The following TBC1D31 variants were observed in gnomAD, a reference collection of about 807,000 sequenced individuals.
TBC1D31 encodes the protein TBC1 domain family member 31.
Under a neutral mutation model 132.9 loss-of-function variants are expected in TBC1D31, and 99 were observed. That is an observed-to-expected ratio of 0.74 (90% CI 0.63 to 0.88). TBC1D31 has a LOEUF of 0.88. Among genes scored for constraint, TBC1D31 ranks in the 40% least tolerant of loss-of-function variants. TBC1D31 has a pLI of 0.00. For synonymous variants in TBC1D31, 385 were observed against 419.4 expected, an observed-to-expected ratio of 0.92 and a Z score of 1.00; for missense variants, 1,134 against 1,256.6, an observed-to-expected ratio of 0.90 and a Z score of 1.48.
intron 1 of TBC1D31, chr8:123,073,176 A>G (rs767005106): frequency 2.1e-6 from 1 of 480,772 alleles, no homozygotes; most frequent in Non-Finnish European, 4.0e-6. Context: ...GGCACGTAGT[A>G]GGTGCTCAGT....
At chr8:123,083,787 GTCTT>G (rs1272366183) in intron 3 of TBC1D31, 1 of 163,552 alleles carries the variant, frequency 6.1e-6, no homozygotes, top group Non-Finnish European at 1.3e-5. Context: ...ATATAAATTA[GTCTT>G]TCTTGTTCAA....
At chr8:123,116,310 TA>T (rs1248158694) in intron 10 of TBC1D31, among the ~76,000 whole-genome samples, 2 of 152,206 alleles carry the variant, frequency 1.3e-5, no homozygotes, top group South Asian at 2.1e-4. Flanking sequence ...AATTCCTTTT[TA>T]AAAAAACAAA....
At chr8:123,076,338 A>ATGTGTGTG (rs71310650) in intron 1 of TBC1D31, among the ~76,000 whole-genome samples, 16 of 149,450 alleles carry the variant, frequency 1.1e-4, no homozygotes, top group African/African-American at 3.9e-4. Context: ...AATTGTGTGT[A>ATGTGTGTG]TGTGTGTGTG....
At chr8:123,109,450 G>A (rs1818251324) in intron 9 of TBC1D31, 24 bp from the exon 10 acceptor site, 8 of 1,609,800 alleles carry the variant, frequency 5.0e-6, no homozygotes, top group Non-Finnish European at 6.8e-6. Flanking sequence ...AAATTGGGGG[G>A]ATTAAAATAT....
At chr8:123,134,698 T>C (rs1413903799) in intron 17 of TBC1D31, among the ~76,000 whole-genome samples, 1 of 152,216 alleles carries the variant, frequency 6.6e-6, no homozygotes, top group Non-Finnish European at 1.5e-5. Context: ...TGTAATTATT[T>C]AATTCATGTT....
At chr8:123,112,133 T>G (rs1278577688) in intron 10 of TBC1D31, among the ~76,000 whole-genome samples, 3 of 152,164 alleles carry the variant, frequency 2.0e-5, no homozygotes. Context: ...GGTATTAATG[T>G]ATTGGTATTA....
chr8:123,126,501 G>C lies in TBC1D31; in HGVS notation c.1705-7G>C, dbSNP rs747625775. 1.2e-6 allele frequency: 2 copies of C among 1,610,272 alleles called. No homozygotes were observed. The highest frequency in any genetic ancestry group is 1.7e-6 in the Non-Finnish European group (2 of 1,178,878). On this transcript the variant is annotated splice_region_variant and splice_polypyrimidine_tract_variant and intron_variant, in intron 12 of 21. Transcript: ENST00000287380. ...AAAAATAATAAATTTTTCCTTATCT[G>C]TTTTAGCTATATGCATGGCCTCTTC...
At chr8:123,128,227 C>G (rs1460976213) in intron 13 of TBC1D31, 54 bp from the exon 14 acceptor site, 1 of 873,640 alleles carries the variant, frequency 1.1e-6, no homozygotes, top group Non-Finnish European at 1.9e-6. Flanking sequence ...TTAATTCTAC[C>G]TCATAATTGC....
intron 20 of TBC1D31, among the ~76,000 whole-genome samples, chr8:123,147,955 C>T (rs960032598): frequency 2.6e-5 from 4 of 151,812 alleles, no homozygotes; most frequent in Admixed American, 2.6e-4. Flanking sequence ...GTGAAACCCC[C>T]GTCTCTACTA....
At chr8:123,082,917 A>G (rs1434296185) in intron 3 of TBC1D31, 100 bp downstream of exon 3, 1 of 729,958 alleles carries the variant, frequency 1.4e-6, no homozygotes, top group South Asian at 1.8e-5. Context: ...GGCAGTCCCC[A>G]TGACAGCCCT....
rs532573005 is a variant in TBC1D31, at chr8:123,140,904, A to G, written c.2640+3A>G. 2.9e-5 allele frequency: 46 copies of G among 1,612,872 alleles called. No individual in the cohort carries two copies. The African/African-American group carries it at 5.2e-4, about 18-fold the overall frequency. ...CCCAGAGCCAGAAAACTCAGAAGGTAAAAATATGATCCATTTAGTATACAT... is the reference window on the plus strand; with the variant it reads ...CCCAGAGCCAGAAAACTCAGAAGGTGAAAATATGATCCATTTAGTATACAT... On this transcript the variant is annotated splice_donor_region_variant and intron_variant, in intron 18 of 21. Transcript: ENST00000287380.
At chr8:123,129,383 C>T (rs181485735) in intron 15 of TBC1D31, among the ~76,000 whole-genome samples, 165 bp downstream of exon 15, 7 of 151,974 alleles carry the variant, frequency 4.6e-5, no homozygotes, top group Admixed American at 1.3e-4. Context: ...CTTTATATAC[C>T]ACTTTTCAAA....
At chr8:123,119,448 C>T (rs1438648371) in intron 10 of TBC1D31, among the ~76,000 whole-genome samples, 2 of 152,202 alleles carry the variant, frequency 1.3e-5, no homozygotes, top group African/African-American at 4.8e-5. Flanking sequence ...CAGTGGCTCA[C>T]GCCTCTAATC....
intron 2 of TBC1D31, among the ~76,000 whole-genome samples, chr8:123,079,179 A>T (rs917776471): frequency 2.0e-5 from 3 of 152,252 alleles, no homozygotes; most frequent in Non-Finnish European, 2.9e-5. Context: ...GGGGGATGAA[A>T]GGGACATGAC....
chr8:123,157,944 C>T, the TBC1D31 span, among the ~76,000 whole-genome samples: 1 of 151,710 alleles, frequency 6.6e-6, no homozygotes, highest in Admixed American at 6.6e-5. Context: ...GACTGCAGGA[C>T]TGCAGTCTTT....
the TBC1D31 span, among the ~76,000 whole-genome samples, chr8:123,163,204 G>A: frequency 3.3e-5 from 5 of 151,884 alleles, no homozygotes; most frequent in African/African-American, 1.2e-4. Flanking sequence ...ACAGGCATGA[G>A]TCACCGCACC....
chr8:123,086,267 G>C (rs1296879431), intron 4 of TBC1D31, among the ~76,000 whole-genome samples: 1 of 152,128 alleles, frequency 6.6e-6, no homozygotes, highest in Non-Finnish European at 1.5e-5. Flanking sequence ...CTTCAATTGT[G>C]ATAATAGTTA....
At chr8:123,140,997 G>C (rs1821604471) in intron 18 of TBC1D31, 96 bp downstream of exon 18, 1 of 1,172,840 alleles carries the variant, frequency 8.5e-7, no homozygotes, top group Admixed American at 2.3e-5. Flanking sequence ...CTGTGAAGTT[G>C]AGTTAGTTTG....
At chr8:123,097,228 T>C in intron 5 of TBC1D31, 54 bp from the exon 6 acceptor site, 1 of 1,597,554 alleles carries the variant, frequency 6.3e-7, no homozygotes, top group South Asian at 1.1e-5. Context: ...TGTCGGACAG[T>C]GCTGCTACAA....
Sources: gnomAD v4.1 joint callset for allele counts (sites outside exome capture counted in the v4.1 genomes callset) on GRCh38, gnomAD v4.1.1 for gene constraint, MANE v1.5 for transcripts, NCBI Gene and HGNC (gene_info 2026-07-23, HGNC 2026-07-21) for gene names.